DNAH3: variants seen among roughly 807,000 people sequenced by gnomAD.
DNAH3 encodes dynein axonemal heavy chain 3, also known as axonemal beta dynein heavy chain 3.
In DNAH3, 332 loss-of-function variants were observed where a neutral mutation model predicts 432.5. The ratio of observed to expected loss-of-function variants is 0.77; its 90% CI spans 0.70 to 0.84. The LOEUF is 0.84. Ranked by LOEUF, DNAH3 falls within the 40% of genes least tolerant of loss-of-function variation. The probability of loss-of-function intolerance (pLI) is 0.00; values close to 1 mark genes in which losing one functional copy is unlikely to be tolerated. For missense variants in DNAH3, 4,861 were observed against 5,114.0 expected, an observed-to-expected ratio of 0.95 and a Z score of 1.51; for synonymous variants, 1,956 against 1,900.2, an observed-to-expected ratio of 1.03 and a Z score of -0.76.
chr16:21,022,790 G>T (rs998725670), intron 39 of DNAH3, among the ~76,000 whole-genome samples: 3 of 151,130 alleles, frequency 2.0e-5, no homozygotes, highest in African/African-American at 4.9e-5. Context: ...TGTCACCAAG[G>T]CTGGAGTGCA....
At chr16:20,962,683 G>A (rs1295309254) in intron 53 of DNAH3, among the ~76,000 whole-genome samples, 3 of 152,044 alleles carry the variant, frequency 2.0e-5, no homozygotes, top group Non-Finnish European at 2.9e-5. Context: ...GGGGGGAGGG[G>A]GCAGGGTCTG....
chr16:20,960,811 A>T (rs1048048461), intron 53 of DNAH3, among the ~76,000 whole-genome samples: 1 of 152,204 alleles, frequency 6.6e-6, no homozygotes, highest in African/African-American at 2.4e-5. Flanking sequence ...GGAAAAAATA[A>T]CTCTCCAGTT....
At chr16:20,983,121 A>C (rs546517789) in intron 48 of DNAH3, among the ~76,000 whole-genome samples, 10 of 152,004 alleles carry the variant, frequency 6.6e-5, no homozygotes, top group Non-Finnish European at 1.5e-4. Context: ...TTTAAAAAAA[A>C]TTTTAATTTT....
At chr16:21,042,090 G>A (rs144047605) in exon 32 of DNAH3, 163 of 1,613,800 alleles carry the variant, frequency 1.0e-4, no homozygotes, top group Non-Finnish European at 1.2e-4. Context: ...TGAACACAGC[G>A]CAGGTTGGGT....
exon 62 of DNAH3, chr16:20,933,175 T>C: frequency 6.2e-7 from 1 of 1,613,430 alleles, no homozygotes; most frequent in Non-Finnish European, 8.5e-7. Flanking sequence ...GCTGGCACAG[T>C]GAGGCCACCC....
intron 32 of DNAH3, among the ~76,000 whole-genome samples, chr16:21,040,275 C>T (rs1344757222): frequency 6.6e-6 from 1 of 150,376 alleles, no homozygotes; most frequent in Non-Finnish European, 1.5e-5. Context: ...ACTGTTGGAG[C>T]TTCCCAGTGT....
intron 17 of DNAH3, 54 bp from the exon 18 acceptor site, chr16:21,097,553 C>G: frequency 1.2e-6 from 2 of 1,602,270 alleles, no homozygotes; most frequent in Non-Finnish European, 1.7e-6. Flanking sequence ...CCTAAGCCCT[C>G]GAAGACACCA....
intron 48 of DNAH3, among the ~76,000 whole-genome samples, 135 bp downstream of exon 48, chr16:20,984,914 C>T (rs183934794): frequency 4.7e-4 from 71 of 152,080 alleles, no homozygotes; most frequent in South Asian, 8.3e-4. Flanking sequence ...AGAGGAACTC[C>T]GGGCCCTGAC....
intron 28 of DNAH3, among the ~76,000 whole-genome samples, chr16:21,052,585 T>C (rs1049114724): frequency 8.5e-5 from 13 of 152,336 alleles, no homozygotes; most frequent in Non-Finnish European, 1.8e-4. Flanking sequence ...ACCTACATTA[T>C]AGAGTTATCA....
chr16:20,937,429 T>C (rs1596857737), intron 59 of DNAH3, among the ~76,000 whole-genome samples: 1 of 152,170 alleles, frequency 6.6e-6, no homozygotes, highest in East Asian at 1.9e-4. Context: ...AATTCATCCA[T>C]CTCAATCTTT....
chr16:21,092,698 CAAAAA>C (rs61277332), intron 18 of DNAH3, among the ~76,000 whole-genome samples: 7 of 11,538 alleles, frequency 6.1e-4, no homozygotes, highest in African/African-American at 2.0e-3. Flanking sequence ...AAAATATTTG[CAAAAA>C]AAAAAAAAAA....
chr16:20,980,260 T>TTATATTATAATATACATCA (rs1316396032), intron 49 of DNAH3, among the ~76,000 whole-genome samples: 2,407 of 128,950 alleles, frequency 0.019, 61 homozygotes, highest in Middle Eastern at 0.031. Flanking sequence ...ACATCATATA[T>TTATATTATAATATACATCA]TATATTATAA....
rs12051236 is a variant in DNAH3 at position 21,090,748 on chromosome 16, G to C, written c.2666-3688C>G. Among the ~76,000 whole-genome samples the C allele has an allele frequency of 1.5e-3, 229 of 152,290 alleles. 6 individuals are homozygous for C. The East Asian group carries it at 0.039, about 26-fold the overall frequency. On this transcript the variant is annotated intron_variant, in intron 18 of 61. Coordinates refer to ENST00000261383, the Ensembl canonical transcript of DNAH3. The stretch of plus-strand genomic sequence containing the variant: ...TACCAGAGGCTTGGATGAGGCAAAG[G>C]GATGGGGAAGGAAAGGAAAGATGTT...
chr16:20,975,768 A>G (rs2085559145), intron 50 of DNAH3, among the ~76,000 whole-genome samples: 2 of 152,100 alleles, frequency 1.3e-5, no homozygotes, highest in African/African-American at 2.4e-5. Flanking sequence ...TTTTTTTGAC[A>G]GAGTCTCACT....
chr16:21,033,910 C>T (rs189471656), intron 36 of DNAH3, 64 bp downstream of exon 36: 1 of 1,189,656 alleles, frequency 8.4e-7, no homozygotes, highest in East Asian at 2.4e-5. Flanking sequence ...GCATTATCTC[C>T]ATGGAGCCAG....
chr16:21,042,285 C>A, intron 31 of DNAH3, 82 bp from the exon 32 acceptor site: 1 of 1,419,192 alleles, frequency 7.0e-7, no homozygotes, highest in Non-Finnish European at 9.5e-7. Flanking sequence ...TCCCACATAG[C>A]AAAGAAAGAA....
intron 41 of DNAH3, 93 bp from the exon 42 acceptor site, chr16:21,003,300 A>G (rs939163156): frequency 3.8e-6 from 3 of 790,378 alleles, no homozygotes; most frequent in Middle Eastern, 2.3e-4. Flanking sequence ...TTATCAGCAT[A>G]TGAAAATGTG....
intron 3 of DNAH3, among the ~76,000 whole-genome samples, chr16:21,142,088 C>T (rs1013808392): frequency 3.3e-5 from 5 of 151,640 alleles, no homozygotes; most frequent in Admixed American, 6.6e-5. Flanking sequence ...TAAAATAGGC[C>T]GGACACGGTG....
At chr16:21,123,659 A>G (rs28489796) in intron 9 of DNAH3, among the ~76,000 whole-genome samples, 1 of 152,216 alleles carries the variant, frequency 6.6e-6, no homozygotes. Flanking sequence ...GGTAATTTTT[A>G]ATTTTTGTTA....
Sources: allele counts gnomAD v4.1 joint callset (sites outside exome capture counted in the v4.1 genomes callset), GRCh38; gene constraint gnomAD v4.1.1; transcripts MANE v1.5; gene names NCBI Gene and HGNC (gene_info 2026-07-23, HGNC 2026-07-21).